The following ARMC2 variants were observed in gnomAD, a reference collection of about 807,000 sequenced individuals.
The protein encoded by ARMC2 is armadillo repeat containing 2, also known as armadillo repeat-containing protein 2.
Under a neutral mutation model 90.3 loss-of-function variants are expected in ARMC2, and 67 were observed. The observed-to-expected ratio is 0.74, with a 90% CI of 0.61 to 0.91. ARMC2 has a LOEUF of 0.91. Ranked by LOEUF, ARMC2 falls within the 40% of genes least tolerant of loss-of-function variation. ARMC2 has a pLI of 0.00. For missense variants in ARMC2, 920 were observed against 1,030.9 expected (o/e 0.89, Z 1.47); for synonymous variants, 393 against 393.0 (o/e 1.00, Z 0.00).
At chr6:109,013,760 G>T in the ARMC2 span, among the ~76,000 whole-genome samples, 1 of 152,080 alleles carries the variant, frequency 6.6e-6, no homozygotes, top group Non-Finnish European at 1.5e-5. Flanking sequence ...ACATTTATGT[G>T]GTTTAAGCAT....
the ARMC2 span, chr6:109,000,435 A>T: frequency 7.5e-7 from 1 of 1,331,814 alleles, no homozygotes; most frequent in South Asian, 2.2e-5. Flanking sequence ...TGTAATCCTA[A>T]AACTGCTCTA....
At chr6:108,875,397 A>G (rs914142843) in intron 4 of ARMC2, among the ~76,000 whole-genome samples, 4 of 151,920 alleles carry the variant, frequency 2.6e-5, no homozygotes, top group African/African-American at 9.7e-5. Flanking sequence ...TGCACACTGC[A>G]TTCCTGCTAT....
At chr6:108,896,696 C>A (rs1771643691) in intron 6 of ARMC2, among the ~76,000 whole-genome samples, 1 of 152,166 alleles carries the variant, frequency 6.6e-6, no homozygotes, top group Non-Finnish European at 1.5e-5. Context: ...TTCTGATTCA[C>A]CCCTATAATT....
chr6:108,981,945 G>A, the ARMC2 span, among the ~76,000 whole-genome samples: 1 of 152,166 alleles, frequency 6.6e-6, no homozygotes, highest in East Asian at 1.9e-4. Flanking sequence ...GGGATTACAG[G>A]TGTGAGCCAC....
chr6:109,008,424 T>C, the ARMC2 span, among the ~76,000 whole-genome samples: 39 of 151,866 alleles, frequency 2.6e-4, no homozygotes, highest in South Asian at 8.0e-3. Flanking sequence ...ATCTAATATG[T>C]CCATAAATGT....
At chr6:108,921,543 GCATCTTGT>G (rs1251579206) in intron 10 of ARMC2, among the ~76,000 whole-genome samples, 1 of 152,222 alleles carries the variant, frequency 6.6e-6, no homozygotes. Flanking sequence ...ATGTCTAGCA[GCATCTTGT>G]CATTGGTTTC....
the ARMC2 span, among the ~76,000 whole-genome samples, chr6:109,016,289 CTA>C: frequency 6.6e-6 from 1 of 152,182 alleles, no homozygotes; most frequent in African/African-American, 2.4e-5. Flanking sequence ...CCTGCCTTCC[CTA>C]TCCATGCCTC....
At chr6:108,864,233 G>T (rs1286471223) in intron 3 of ARMC2, among the ~76,000 whole-genome samples, 1 of 146,990 alleles carries the variant, frequency 6.8e-6, no homozygotes, top group African/African-American at 2.5e-5. Context: ...TTCTGTGCTT[G>T]TGTGATTTTT....
chr6:108,856,468 A>G, intron 2 of ARMC2: 1 of 213,490 alleles, frequency 4.7e-6, no homozygotes, highest in Non-Finnish European at 1.0e-5. Context: ...TCAGTTTTAC[A>G]GAGACCTACC....
At chr6:108,968,046 T>G (rs1317472735) in intron 17 of ARMC2, among the ~76,000 whole-genome samples, 1 of 152,204 alleles carries the variant, frequency 6.6e-6, no homozygotes, top group Non-Finnish European at 1.5e-5. Context: ...TATTATTATT[T>G]TGTGAGTTTT....
At chr6:108,954,607 C>G (rs545944890) in intron 13 of ARMC2, among the ~76,000 whole-genome samples, 1 of 152,164 alleles carries the variant, frequency 6.6e-6, no homozygotes, top group Non-Finnish European at 1.5e-5. Context: ...CTAGGTGACA[C>G]AGTGAGACTC....
intron 13 of ARMC2, 67 bp downstream of exon 13, chr6:108,953,418 G>T: frequency 6.9e-7 from 1 of 1,445,418 alleles, no homozygotes. Flanking sequence ...AGACAGTTCT[G>T]TGTCTGTGGT....
At chr6:109,017,079 G>C in the ARMC2 span, among the ~76,000 whole-genome samples, 5 of 151,988 alleles carry the variant, frequency 3.3e-5, no homozygotes, top group Non-Finnish European at 7.4e-5. Flanking sequence ...CAGGCTAAAT[G>C]AAAGTTATAT....
chr6:109,040,381 T>G, the ARMC2 span, among the ~76,000 whole-genome samples: 4 of 152,214 alleles, frequency 2.6e-5, no homozygotes, highest in African/African-American at 9.6e-5. Flanking sequence ...GAAGAAGGAT[T>G]AAAAGGTTTC....
At chr6:109,005,632 G>T in the ARMC2 span, among the ~76,000 whole-genome samples, 19 of 152,226 alleles carry the variant, frequency 1.2e-4, no homozygotes, top group African/African-American at 4.3e-4. Context: ...TATGGCAAGG[G>T]TTCTATGTAA....
At chr6:108,859,568 A>T (rs781156875) in intron 3 of ARMC2, among the ~76,000 whole-genome samples, 7 of 152,168 alleles carry the variant, frequency 4.6e-5, no homozygotes, top group Non-Finnish European at 1.0e-4. Context: ...TTTATCAATC[A>T]TGCTGGGTAC....
chr6:109,012,884 G>T, the ARMC2 span, among the ~76,000 whole-genome samples: 1 of 152,088 alleles, frequency 6.6e-6, no homozygotes, highest in Non-Finnish European at 1.5e-5. Context: ...GGAGGCCGAG[G>T]CAGGGCGGAT....
At chr6:108,880,195 T>C in intron 5 of ARMC2, 1 of 340,248 alleles carries the variant, frequency 2.9e-6, no homozygotes, top group South Asian at 2.3e-5. Flanking sequence ...GGCTTGATTT[T>C]TGTTGGTCTG....
the ARMC2 span, chr6:109,000,051 G>C: frequency 1.3e-5 from 2 of 152,280 alleles, no homozygotes; most frequent in Non-Finnish European, 2.9e-5. Context: ...ACATACTTTT[G>C]TATGATTCCA....
Sources: gnomAD v4.1 joint callset for allele counts (sites outside exome capture counted in the v4.1 genomes callset) on GRCh38, gnomAD v4.1.1 for gene constraint, MANE v1.5 for transcripts, NCBI Gene and HGNC (gene_info 2026-07-23, HGNC 2026-07-21) for gene names.